Variants in CSNK1G3 observed in about 807,000 individuals in gnomAD.
CSNK1G3 encodes casein kinase 1 gamma 3, also known as casein kinase I isoform gamma-3.
A neutral mutation model predicts 64.3 loss-of-function variants in CSNK1G3; 23 were observed. The ratio of observed to expected loss-of-function variants is 0.36; its 90% CI spans 0.26 to 0.51. The LOEUF is 0.51. Ranked by LOEUF, CSNK1G3 falls within the 20% of genes least tolerant of loss-of-function variation. The pLI is 0.96. For missense variants in CSNK1G3, 357 were observed against 510.5 expected (o/e 0.70, Z 2.90); for synonymous variants, 158 against 162.2 (o/e 0.97, Z 0.20).
intron 1 of CSNK1G3, among the ~76,000 whole-genome samples, chr5:123,539,435 AT>A (rs1249414409): frequency 1.1e-5 from 1 of 91,570 alleles, no homozygotes; most frequent in Non-Finnish European, 2.3e-5. Flanking sequence ...GAAAGAGCAG[AT>A]TAAAAAAAAA....
At chr5:123,589,607 A>G (rs1294216310) in intron 8 of CSNK1G3, among the ~76,000 whole-genome samples, 1 of 152,010 alleles carries the variant, frequency 6.6e-6, no homozygotes, top group East Asian at 1.9e-4. Flanking sequence ...GTAACTTACC[A>G]TCTCTTACTG....
chr5:123,513,314 G>A (rs1025643800), intron 1 of CSNK1G3, among the ~76,000 whole-genome samples: 10 of 152,092 alleles, frequency 6.6e-5, no homozygotes, highest in African/African-American at 2.4e-4. Context: ...GGATGAGGAG[G>A]GAGATGTGTG....
At chr5:123,582,175 T>C (rs1416179629) in intron 6 of CSNK1G3, among the ~76,000 whole-genome samples, 1 of 152,022 alleles carries the variant, frequency 6.6e-6, no homozygotes, top group Non-Finnish European at 1.5e-5. Context: ...GTTAGGCAAG[T>C]GAGGAATGAA....
intron 4 of CSNK1G3, among the ~76,000 whole-genome samples, chr5:123,566,456 A>G (rs1182603445): frequency 9.2e-5 from 14 of 152,200 alleles, no homozygotes. Flanking sequence ...GTAAGATTTT[A>G]TAATTGAAAA....
chr5:123,563,807 T>A (rs913898572), intron 4 of CSNK1G3, among the ~76,000 whole-genome samples: 5 of 152,062 alleles, frequency 3.3e-5, no homozygotes, highest in African/African-American at 1.2e-4. Flanking sequence ...GGAAGTACTG[T>A]AAAAAGCATG....
intron 10 of CSNK1G3, among the ~76,000 whole-genome samples, chr5:123,601,021 T>G (rs966173934): frequency 6.6e-6 from 1 of 152,130 alleles, no homozygotes; most frequent in Non-Finnish European, 1.5e-5. Context: ...ACCTGAATTA[T>G]TTTTTGAAAT....
intron 12 of CSNK1G3, among the ~76,000 whole-genome samples, chr5:123,611,230 A>G (rs759398939): frequency 2.0e-5 from 3 of 152,200 alleles, no homozygotes; most frequent in African/African-American, 7.2e-5. Context: ...CTGTAAGTAT[A>G]TCGTATTTTG....
intron 1 of CSNK1G3, among the ~76,000 whole-genome samples, chr5:123,519,441 A>G (rs1777720886): frequency 6.6e-6 from 1 of 152,198 alleles, no homozygotes; most frequent in Non-Finnish European, 1.5e-5. Context: ...AAGTTGAAAG[A>G]TTATAATTTT....
chr5:123,524,239 C>T (rs184156876), intron 1 of CSNK1G3, among the ~76,000 whole-genome samples: 1 of 152,282 alleles, frequency 6.6e-6, no homozygotes, highest in East Asian at 1.9e-4. Flanking sequence ...AAGTTATTAA[C>T]TCTGGTCCTG....
chr5:123,514,021 A>G (rs2149864309), intron 1 of CSNK1G3, among the ~76,000 whole-genome samples: 1 of 152,350 alleles, frequency 6.6e-6, no homozygotes, highest in East Asian at 1.9e-4. Context: ...AAAGATAAAA[A>G]TTACCTTTAT....
At chr5:123,565,616 C>T (rs1430754555) in intron 4 of CSNK1G3, among the ~76,000 whole-genome samples, 2 of 152,126 alleles carry the variant, frequency 1.3e-5, no homozygotes, top group Non-Finnish European at 2.9e-5. Context: ...TAAAGAAATG[C>T]TGGAGTCTGG....
Position 123,613,817 on chromosome 5 carries a change from CCTT to C in CSNK1G3, c.1218-521_1218-519del, listed in dbSNP as rs1462670514. 2.6e-5 allele frequency among the ~76,000 whole-genome samples: 4 copies of C among 152,298 alleles called. No homozygotes were observed. In the East Asian group the frequency reaches 5.8e-4, roughly 22 times the overall value. On this transcript the variant is annotated intron_variant, in intron 12 of 12. Transcript: ENST00000345990. Reference sequence around the variant, plus strand: ...TTAACTAAACTTTCAATAAGCTTGACCTTCTTTAACCCTTAAAGAATTCAAAAT... The same window carrying C: ...TTAACTAAACTTTCAATAAGCTTGACCTTTAACCCTTAAAGAATTCAAAAT...
At chr5:123,562,256 AT>A (rs1229747456) in intron 4 of CSNK1G3, among the ~76,000 whole-genome samples, 4 of 152,020 alleles carry the variant, frequency 2.6e-5, no homozygotes, top group Non-Finnish European at 5.9e-5. Context: ...AAATCTTCTT[AT>A]TTGATCTGAT....
At chr5:123,570,121 T>C (rs1787784495) in intron 4 of CSNK1G3, among the ~76,000 whole-genome samples, 1 of 152,192 alleles carries the variant, frequency 6.6e-6, no homozygotes, top group South Asian at 2.1e-4. Context: ...CATAAAGATA[T>C]AGTATATGTC....
chr5:123,552,960 T>A lies in CSNK1G3; in HGVS notation c.179-147T>A, dbSNP rs569386063. 6 of 456,964 alleles carry A rather than the reference T, an allele frequency of 1.3e-5. No homozygotes were observed. The South Asian group carries it at 2.3e-4, about 17-fold the overall frequency. The allele number at this position is 456,964 out of a possible 1,614,324, so 28.3% of individuals were successfully genotyped here. ...ATCGAGTTGATAATAAGTTTGAATA[T>A]TTCCTTGTTAAGTTTTTTTGCCAAA... On this transcript the variant is annotated intron_variant, in intron 2 of 12. Coordinates refer to ENST00000345990, the Ensembl canonical transcript of CSNK1G3.
At position 123,577,119 on chromosome 5, in the gene CSNK1G3, A is replaced by G. The variant is rs971906580; in HGVS notation, c.673+1156A>G. Reference sequence around the variant, plus strand: ...AAGCTGGCTTCTCTGTCCTTTTGACATGTTCTCATGAATCTTTGAGTACTT... The same window carrying G: ...AAGCTGGCTTCTCTGTCCTTTTGACGTGTTCTCATGAATCTTTGAGTACTT... On this transcript the variant is annotated intron_variant, in intron 6 of 12. Coordinates refer to ENST00000345990, the Ensembl canonical transcript of CSNK1G3. Among the ~76,000 whole-genome samples, 8 of 152,058 alleles carry G rather than the reference A, an allele frequency of 5.3e-5. 1 individual carries two copies. The highest frequency in any genetic ancestry group is 1.2e-4 in the African/African-American group (5 of 41,440).
intron 12 of CSNK1G3, among the ~76,000 whole-genome samples, chr5:123,610,338 C>T (rs1208458584): frequency 1.3e-5 from 2 of 152,050 alleles, no homozygotes; most frequent in Admixed American, 6.6e-5. Flanking sequence ...CACTCATCAA[C>T]CCAGGTCAGG....
intron 1 of CSNK1G3, among the ~76,000 whole-genome samples, chr5:123,544,288 T>A (rs1278962178): frequency 5.3e-5 from 8 of 152,200 alleles, no homozygotes; most frequent in Admixed American, 3.9e-4. Flanking sequence ...TTCCTACTTT[T>A]TCTAATAAGC....
At chr5:123,609,985 G>A (rs1387020854) in intron 12 of CSNK1G3, among the ~76,000 whole-genome samples, 5 of 152,160 alleles carry the variant, frequency 3.3e-5, no homozygotes, top group Non-Finnish European at 7.4e-5. Context: ...CCTTTAAAAG[G>A]TGCTTAGCAG....
Sources: allele counts gnomAD v4.1 joint callset (sites outside exome capture counted in the v4.1 genomes callset), GRCh38; gene constraint gnomAD v4.1.1; transcripts MANE v1.5; gene names NCBI Gene and HGNC (gene_info 2026-07-23, HGNC 2026-07-21).